ORC4: variants seen among roughly 807,000 people sequenced by gnomAD.
The protein encoded by ORC4 is origin recognition complex, subunit 4 homolog.
Under a neutral mutation model 63.9 loss-of-function variants are expected in ORC4, and 55 were observed. That is an observed-to-expected ratio of 0.86 (90% CI 0.69 to 1.08). The LOEUF is 1.08. Ranked by LOEUF, ORC4 falls within the 50% of genes least tolerant of loss-of-function variation. The probability of loss-of-function intolerance (pLI) is 0.00; values close to 1 mark genes in which losing one functional copy is unlikely to be tolerated. For missense variants in ORC4, 511 were observed against 504.4 expected, an observed-to-expected ratio of 1.01 and a Z score of -0.13; for synonymous variants, 150 against 168.5, an observed-to-expected ratio of 0.89 and a Z score of 0.85.
At chr2:148,006,097 C>T (rs1692612262) in intron 1 of ORC4, among the ~76,000 whole-genome samples, 1 of 152,190 alleles carries the variant, frequency 6.6e-6, no homozygotes, top group Non-Finnish European at 1.5e-5. Flanking sequence ...GTAGGAAAGA[C>T]AGTCTTGCGC....
intron 9 of ORC4, among the ~76,000 whole-genome samples, chr2:147,946,125 G>C (rs186299857): frequency 6.6e-6 from 1 of 152,184 alleles, no homozygotes. Context: ...CATTTTCTAA[G>C]TCACGCAGTT....
chr2:147,931,525 CCTGA>C lies in ORC4; in HGVS notation c.*3981_*3984del, dbSNP rs1432330122. 6.6e-6 allele frequency: 1 copy of C among 151,984 alleles called. No homozygotes were observed. The highest frequency in any genetic ancestry group is 1.5e-5 in the Non-Finnish European group (1 of 67,960). The allele number at this position is 151,984 out of a possible 1,614,324, so 9.4% of individuals were successfully genotyped here. Reference sequence around the variant, plus strand: ...ACATCCTCTCCAGCACCTGTTGTTTCCTGACTTTTTAATGATTGCCATTCTAACT... The same window carrying C: ...ACATCCTCTCCAGCACCTGTTGTTTCCTTTTTAATGATTGCCATTCTAACT... On this transcript the variant is annotated 3_prime_UTR_variant, in exon 14 of 14. Transcript: ENST00000392857.
At position 147,931,373 on chromosome 2, in the gene ORC4, G is replaced by A. The variant is rs1687725430; in HGVS notation, c.*4137C>T. The A allele has an allele frequency of 1.3e-5, 2 of 152,022 alleles. No individual in the cohort carries two copies. Among genetic ancestry groups the A allele is most frequent in the South Asian group, 4.1e-4 (2 of 4,826 alleles). 9.4% of individuals were successfully genotyped at this position (152,022 alleles called of 1,614,324 possible). A position where few individuals can be genotyped will look rare whatever the true frequency, so the allele number is the denominator to read the frequency against. On this transcript the variant is annotated 3_prime_UTR_variant, in exon 14 of 14. Coordinates refer to ENST00000392857, the MANE Select transcript of ORC4 (RefSeq NM_181741.4). ...TTATAGTCCTTTGGGTATATACCCA[G>A]TAATGGGATGGCTGGGTCAAATGGT...
intron 4 of ORC4, among the ~76,000 whole-genome samples, chr2:147,970,946 C>T (rs1690175231): frequency 1.3e-5 from 2 of 151,268 alleles, no homozygotes; most frequent in Admixed American, 6.6e-5. Flanking sequence ...GCCTGGGAAA[C>T]ATGGGGAGAC....
At chr2:148,006,524 T>G (rs1398063728) in intron 1 of ORC4, among the ~76,000 whole-genome samples, 3 of 152,084 alleles carry the variant, frequency 2.0e-5, no homozygotes, top group Non-Finnish European at 4.4e-5. Flanking sequence ...CTACTTCAGC[T>G]TGGGGTAAGG....
At chr2:147,977,579 G>A (rs1690635705) in intron 1 of ORC4, among the ~76,000 whole-genome samples, 1 of 152,154 alleles carries the variant, frequency 6.6e-6, no homozygotes, top group Non-Finnish European at 1.5e-5. Flanking sequence ...GTCAATTGGA[G>A]GGCAGATCTT....
At chr2:147,995,499 C>A (rs537538519) in intron 1 of ORC4, among the ~76,000 whole-genome samples, 1 of 152,296 alleles carries the variant, frequency 6.6e-6, no homozygotes, top group African/African-American at 2.4e-5. Flanking sequence ...GCTGTGGAAG[C>A]TTTGTTCTTT....
Position 147,948,227 on chromosome 2 carries a change from T to A in ORC4, c.589-3A>T, listed in dbSNP as rs763991008. ...TTTTCTAAGAGTTCCAAAATATCCT[T>A]AAAAACAAACAGAAATCTCTATAAG... is the stretch of plus-strand genomic sequence containing the variant. On this transcript the variant is annotated splice_region_variant and splice_polypyrimidine_tract_variant and intron_variant, in intron 8 of 13. Transcript: ENST00000392857. 6.3e-7 allele frequency: 1 copy of A among 1,593,998 alleles called. No individual in the cohort carries two copies. Among genetic ancestry groups the A allele is most frequent in the Non-Finnish European group, 8.6e-7 (1 of 1,164,012 alleles).
At position 147,958,820 on chromosome 2, in the gene ORC4, C is replaced by G. The variant is rs1320537820; in HGVS notation, c.272G>C (p.Ser91Thr). 1.3e-5 allele frequency: 19 copies of G among 1,463,270 alleles called. No homozygotes were observed. The Admixed American group carries it at 3.2e-4, about 25-fold the overall frequency. 90.6% of individuals were successfully genotyped at this position (1,463,270 alleles called of 1,614,324 possible). A position where few individuals can be genotyped will look rare whatever the true frequency, so the allele number is the denominator to read the frequency against. The change falls in exon 5 of 14, where the codon AGT becomes ACT. Residue 91 changes from serine to threonine, a missense_variant. Transcript: ENST00000392857. ...LKELMEIEEV[S>T]ENVLQVHLNG... is the part of the protein sequence containing the mutation. ...TAAGTGAACTTGTAATACATTTTCA[C>G]TCACTTCTTCTATTTCCATGAGTTC...
At chr2:147,947,497 A>T (rs142936317) in intron 9 of ORC4, among the ~76,000 whole-genome samples, 1,751 of 152,162 alleles carry the variant, frequency 0.012, 14 homozygotes, top group Non-Finnish European at 0.019. Flanking sequence ...TTAAAACAAC[A>T]TATGAACCTG....
chr2:147,956,614 G>A (rs1201548485), intron 6 of ORC4, among the ~76,000 whole-genome samples: 1 of 151,942 alleles, frequency 6.6e-6, no homozygotes, highest in Non-Finnish European at 1.5e-5. Flanking sequence ...TTTATATAAT[G>A]AAGGAATTAA....
chr2:148,000,467 C>G (rs911252740), intron 1 of ORC4, among the ~76,000 whole-genome samples: 2 of 152,060 alleles, frequency 1.3e-5, no homozygotes, highest in African/African-American at 4.8e-5. Context: ...AATTTGAAAG[C>G]CAGCTAAACT....
intron 1 of ORC4, among the ~76,000 whole-genome samples, chr2:147,978,169 A>T (rs1385436766): frequency 1.3e-5 from 2 of 152,204 alleles, no homozygotes; most frequent in East Asian, 3.9e-4. Flanking sequence ...TTATGCCAAG[A>T]TTCAGGGTTG....
At chr2:147,957,060 C>T (rs1304273868) in intron 6 of ORC4, among the ~76,000 whole-genome samples, 1 of 149,350 alleles carries the variant, frequency 6.7e-6, no homozygotes, top group African/African-American at 2.4e-5. Context: ...TTTACTCAAC[C>T]TTTTAGATTA....
chr2:148,001,106 T>G (rs1416972800), intron 1 of ORC4, among the ~76,000 whole-genome samples: 1 of 152,096 alleles, frequency 6.6e-6, no homozygotes, highest in Non-Finnish European at 1.5e-5. Flanking sequence ...TTCCTGGGAT[T>G]AAGCAAATAA....
At chr2:148,000,430 A>T (rs949748338) in intron 1 of ORC4, among the ~76,000 whole-genome samples, 19 of 152,176 alleles carry the variant, frequency 1.2e-4, no homozygotes, top group African/African-American at 4.6e-4. Context: ...ATTCCTTCAA[A>T]GCTCTTAAGA....
At position 147,935,236 on chromosome 2, in the gene ORC4, T is replaced by C; in HGVS notation, c.*274A>G. On this transcript the variant is annotated 3_prime_UTR_variant, in exon 14 of 14. Coordinates refer to ENST00000392857, the MANE Select transcript of ORC4 (RefSeq NM_181741.4). ...CTCTTCAAATAGACCATTATATATA[T>C]AAGTGTTAAAAAAGCACATGGTCTA... 2.3e-6 allele frequency: 1 copy of C among 439,958 alleles called. No homozygotes were observed. 27.3% of individuals were successfully genotyped at this position (439,958 alleles called of 1,614,324 possible). A position where few individuals can be genotyped will look rare whatever the true frequency, so the allele number is the denominator to read the frequency against.
chr2:148,013,424 G>C (rs549113062), intron 1 of ORC4, among the ~76,000 whole-genome samples: 3 of 152,118 alleles, frequency 2.0e-5, no homozygotes, highest in Admixed American at 2.0e-4. Flanking sequence ...GGCTGGGAAG[G>C]GTAGTGTTGA....
chr2:147,999,982 C>A (rs1467592641), intron 1 of ORC4, among the ~76,000 whole-genome samples: 2 of 149,692 alleles, frequency 1.3e-5, no homozygotes, highest in Admixed American at 6.6e-5. Flanking sequence ...TCAAAAAAGG[C>A]CTTGGAAATT....
Sources: allele counts gnomAD v4.1 joint callset (sites outside exome capture counted in the v4.1 genomes callset), GRCh38; gene constraint gnomAD v4.1.1; transcripts MANE v1.5; gene names NCBI Gene and HGNC (gene_info 2026-07-23, HGNC 2026-07-21).